TREML2: variants seen among roughly 807,000 people sequenced by gnomAD.
TREML2 encodes trem-like transcript 2 protein.
TREML2 carries 24 observed loss-of-function variants against 25.9 expected under a neutral mutation model. That is an observed-to-expected ratio of 0.93 (90% CI 0.67 to 1.30). The LOEUF (loss-of-function observed/expected upper bound fraction) is 1.30. Among genes scored for constraint, TREML2 ranks in the 50% most tolerant of loss-of-function variants. The pLI is 0.00. For missense variants in TREML2, 359 were observed against 395.6 expected (o/e 0.91, Z 0.78); for synonymous variants, 139 against 155.2 (o/e 0.90, Z 0.77).
Position 41,199,043 on chromosome 6 carries a change from T to C in TREML2, c.56-614A>G, listed in dbSNP as rs144329824. 8.2e-3 allele frequency among the ~76,000 whole-genome samples: 1,255 copies of C among 152,280 alleles called. 20 individuals are homozygous for C. The highest frequency in any genetic ancestry group is 0.027 in the African/African-American group (1,141 of 41,546). On this transcript the variant is annotated intron_variant, in intron 1 of 4. Coordinates refer to ENST00000483722, the MANE Select transcript of TREML2 (RefSeq NM_024807.4). The stretch of plus-strand genomic sequence containing the variant: ...ACGTCCGGCTAATTTTTTGTATTTT[T>C]AGTAGAGACGGGATTTCACCATGTT...
intron 2 of TREML2, 146 bp downstream of exon 2, chr6:41,197,963 C>T (rs6922561): frequency 0.084 from 62,332 of 743,812 alleles, 7,444 homozygotes; most frequent in African/African-American, 0.47. Flanking sequence ...AATAGTGCCA[C>T]GAATAGTGCC....
intron 3 of TREML2, among the ~76,000 whole-genome samples, chr6:41,193,494 C>T (rs976736212): frequency 2.6e-5 from 4 of 152,030 alleles, no homozygotes; most frequent in African/African-American, 7.3e-5. Context: ...TCTGACTCTC[C>T]CCGTTGGGAT....
rs1766037318 is a variant in TREML2 at position 41,190,659 on chromosome 6, T to G, written c.*1768A>C. ...CTGTCCCTGACTTCTTCCCTAGGGC[T>G]CCTCCTCCTGGGCATCTCACTCAGA... On this transcript the variant is annotated 3_prime_UTR_variant, in exon 5 of 5. Transcript: ENST00000483722. The G allele has an allele frequency of 6.6e-6, 1 of 152,192 alleles. No individual in the cohort carries two copies. Among genetic ancestry groups the G allele is most frequent in the Non-Finnish European group, 1.5e-5 (1 of 68,054 alleles). The allele number at this position is 152,192 out of a possible 1,614,324, so 9.4% of individuals were successfully genotyped here. A position where few individuals can be genotyped will look rare whatever the true frequency, so the allele number is the denominator to read the frequency against.
chr6:41,198,751 G>A (rs746522812), intron 1 of TREML2, among the ~76,000 whole-genome samples: 7 of 152,220 alleles, frequency 4.6e-5, no homozygotes, highest in East Asian at 3.8e-4. Context: ...ATTTACACTC[G>A]GAGCTCCATC....
chr6:41,200,919 T>G (rs534348066), intron 1 of TREML2, 35 bp downstream of exon 1: 30 of 1,503,050 alleles, frequency 2.0e-5, no homozygotes, highest in Non-Finnish European at 2.7e-5. Flanking sequence ...CTGTACCCAC[T>G]CCCTCCTCCA....
chr6:41,201,100 A>G lies in TREML2; in HGVS notation c.-92T>C. The G allele has an allele frequency of 2.0e-6, 3 of 1,481,650 alleles. No homozygotes were observed. The highest frequency in any genetic ancestry group is 2.8e-6 in the Non-Finnish European group (3 of 1,059,938). 91.8% of individuals were successfully genotyped at this position (1,481,650 alleles called of 1,614,324 possible). On this transcript the variant is annotated 5_prime_UTR_variant, in exon 1 of 5. Transcript: ENST00000483722. ...TGCCACCTGGGCCTGCCAGGGAAGG[A>G]CCCGGGGTTCTAAAAGTGAAGCTGC...
In TREML2 at chr6:41,194,689, G is replaced by C; in HGVS notation, c.521C>G (p.Thr174Ser). The part of the protein sequence containing the change: ...GVMVFTPGLI[T>S]LPRLLASTRP... ...GGTGGAGGCTAAGAGCCTAGGCAAG[G>C]TGATGAGTCCTGGGGTGAACACCAT... Residue 174 changes from threonine (T) to serine (S), a missense_variant, in exon 3 of 5, where the codon ACC becomes AGC. Thr to Ser is a moderately conservative substitution (Grantham distance 58). Transcript: ENST00000483722. The C allele has an allele frequency of 6.2e-7, 1 of 1,614,128 alleles. No homozygotes were observed.
At chr6:41,198,928 T>C (rs1411800648) in intron 1 of TREML2, among the ~76,000 whole-genome samples, 1 of 152,228 alleles carries the variant, frequency 6.6e-6, no homozygotes, top group Non-Finnish European at 1.5e-5. Flanking sequence ...AGTGGCACGA[T>C]CTCAGCTCAC....
Position 41,190,087 on chromosome 6 carries a change from GC to G in TREML2, c.*2339del, listed in dbSNP as rs1399561778. Among the ~76,000 whole-genome samples, 2 of 152,098 alleles carry G rather than the reference GC, an allele frequency of 1.3e-5. No individual in the cohort carries two copies. The highest frequency in any genetic ancestry group is 6.5e-5 in the Admixed American group (1 of 15,272). ...GAGGCTGTGGGCATGTCTTAGGCAAGCCCCCCTGTGCAAGTTCCCATATCTG... is the reference window on the plus strand; with the variant it reads ...GAGGCTGTGGGCATGTCTTAGGCAAGCCCCCTGTGCAAGTTCCCATATCTG... On this transcript the variant is annotated 3_prime_UTR_variant, in exon 5 of 5. Transcript: ENST00000483722.
In TREML2 at chr6:41,201,058, C is replaced by T. The variant is rs758726330; in HGVS notation, c.-50G>A. On this transcript the variant is annotated 5_prime_UTR_variant, in exon 1 of 5. An upstream open reading frame in the 5' UTR gains an earlier in-frame stop. Coordinates refer to ENST00000483722, the MANE Select transcript of TREML2 (RefSeq NM_024807.4). ...AGGCCTGGAGATCCAAGGTGAGGGCCCACCCGACACAGGATGTGCCACCTG... is the reference window on the plus strand; with the variant it reads ...AGGCCTGGAGATCCAAGGTGAGGGCTCACCCGACACAGGATGTGCCACCTG... 1.1e-5 allele frequency: 17 copies of T among 1,602,228 alleles called. No individual in the cohort carries two copies. Among genetic ancestry groups the T allele is most frequent in the Middle Eastern group, 1.7e-4 (1 of 6,028 alleles).
chr6:41,193,965 C>A (rs1327371290), intron 3 of TREML2, among the ~76,000 whole-genome samples: 1 of 134,726 alleles, frequency 7.4e-6, no homozygotes. Flanking sequence ...CTGCCCTCAT[C>A]CCTGCAACCC....
At chr6:41,193,819 T>G (rs1321581868) in intron 3 of TREML2, among the ~76,000 whole-genome samples, 1 of 92,294 alleles carries the variant, frequency 1.1e-5, no homozygotes. Context: ...CATTGCCCCC[T>G]ACCCTCATCT....
At chr6:41,194,221 T>A (rs1356923206) in intron 3 of TREML2, among the ~76,000 whole-genome samples, 1 of 61,334 alleles carries the variant, frequency 1.6e-5, no homozygotes, top group Non-Finnish European at 3.0e-5. Flanking sequence ...CCCCCGACCC[T>A]CCTTTCCCCT....
chr6:41,194,359 C>G, intron 3 of TREML2, 66 bp downstream of exon 3: 1 of 1,446,568 alleles, frequency 6.9e-7, no homozygotes. Flanking sequence ...AGATATAAGA[C>G]TTGCACCTCC....
intron 2 of TREML2, among the ~76,000 whole-genome samples, chr6:41,196,942 A>C (rs1191223871): frequency 6.6e-6 from 1 of 152,170 alleles, no homozygotes; most frequent in African/African-American, 2.4e-5. Context: ...TTCTCCTCCA[A>C]ATTAGCTCCT....
At chr6:41,194,881 T>G (rs1766134032) in intron 2 of TREML2, 48 bp from the exon 3 acceptor site, 1 of 1,520,446 alleles carries the variant, frequency 6.6e-7, no homozygotes, top group Admixed American at 2.1e-5. Flanking sequence ...GGTGCCTCAG[T>G]GCTGGGAGCA....
Position 41,192,887 on chromosome 6 carries a change from T to C in TREML2, c.800A>G (p.Tyr267Cys), listed in dbSNP as rs1766093448. Reference sequence around the variant, plus strand: ...CAGCACCACCCCAAGCACAGTGGAGTAAACATCCTGGTGCCTGAGAAGAAG... The same window carrying C: ...CAGCACCACCCCAAGCACAGTGGAGCAAACATCCTGGTGCCTGAGAAGAAG... ...SMPSIRHQDV[Y>C]STVLGVVLTL... The change falls in exon 4 of 5, where the codon TAC (tyrosine) becomes TGC (cysteine). Residue 267 changes from tyrosine to cysteine, a missense_variant. Physicochemically the swap from Tyr to Cys is radical, Grantham distance 194. Transcript: ENST00000483722. 6.3e-7 allele frequency: 1 copy of C among 1,578,580 alleles called. No individual in the cohort carries two copies. The highest frequency in any genetic ancestry group is 1.2e-5 in the South Asian group (1 of 84,928).
In TREML2 at chr6:41,190,372, C is replaced by T. The variant is rs1766030366; in HGVS notation, c.*2055G>A. On this transcript the variant is annotated 3_prime_UTR_variant, in exon 5 of 5. Coordinates refer to ENST00000483722, the MANE Select transcript of TREML2 (RefSeq NM_024807.4). ...CCTCAACATCCATATAGTGATGACACTTGGGAAGAGATATGACAAAAGCAA... is the reference window on the plus strand; with the variant it reads ...CCTCAACATCCATATAGTGATGACATTTGGGAAGAGATATGACAAAAGCAA... 1 of 152,078 alleles carries T rather than the reference C, an allele frequency of 6.6e-6. No individual in the cohort carries two copies. The highest frequency in any genetic ancestry group is 1.5e-5 in the Non-Finnish European group (1 of 68,042). The allele number at this position is 152,078 out of a possible 1,614,324, so 9.4% of individuals were successfully genotyped here. A position where few individuals can be genotyped will look rare whatever the true frequency, so the allele number is the denominator to read the frequency against.
At position 41,194,575 on chromosome 6, in the gene TREML2, G is replaced by T; in HGVS notation, c.635C>A (p.Thr212Asn). The T allele has an allele frequency of 6.2e-7, 1 of 1,614,038 alleles. No homozygotes were observed. The highest frequency in any genetic ancestry group is 8.5e-7 in the Non-Finnish European group (1 of 1,180,018). ...PRRTMGSQTV[T>N]ASPSNARDSS... ...GTCCCTGGCATTGCTGGGAGACGCG[G>T]TCACTGTCTGGGACCCCATGGTCCT... Residue 212 changes from threonine to asparagine, a missense_variant, in exon 3 of 5, where the codon ACC (threonine) becomes AAC (asparagine). Transcript: ENST00000483722.
Sources: allele counts gnomAD v4.1 joint callset (sites outside exome capture counted in the v4.1 genomes callset), GRCh38; gene constraint gnomAD v4.1.1; transcripts MANE v1.5; gene names NCBI Gene and HGNC (gene_info 2026-07-23, HGNC 2026-07-21).